BBS9: variants seen among roughly 807,000 people sequenced by gnomAD.
The protein encoded by BBS9 is protein PTHB1.
Under a neutral mutation model 117.7 loss-of-function variants are expected in BBS9, and 89 were observed. The ratio of observed to expected loss-of-function variants is 0.76; its 90% CI spans 0.64 to 0.90. The LOEUF is 0.90. Ranked by LOEUF, BBS9 falls within the 40% of genes least tolerant of loss-of-function variation. The probability of loss-of-function intolerance (pLI) is 0.00; values close to 1 mark genes in which losing one functional copy is unlikely to be tolerated. For synonymous variants in BBS9, 379 were observed against 370.9 expected (o/e 1.02, Z -0.25); for missense variants, 982 against 1,042.2 (o/e 0.94, Z 0.80).
chr7:33,277,318 AG>A (rs2128357482), intron 9 of BBS9, among the ~76,000 whole-genome samples: 1 of 152,290 alleles, frequency 6.6e-6, no homozygotes, highest in South Asian at 2.1e-4. Context: ...TCATTCCCTA[AG>A]AAGAGCCCCA....
intron 10 of BBS9, among the ~76,000 whole-genome samples, chr7:33,340,669 G>A (rs1816325172): frequency 1.3e-5 from 2 of 152,124 alleles, no homozygotes. Context: ...GTCAGTCAAT[G>A]GCTCACATCT....
At chr7:33,326,795 A>G (rs987340652) in intron 9 of BBS9, among the ~76,000 whole-genome samples, 1 of 151,748 alleles carries the variant, frequency 6.6e-6, no homozygotes, top group Non-Finnish European at 1.5e-5. Flanking sequence ...AGGGCTTGGA[A>G]TGGGTACCCG....
At chr7:33,494,980 A>G (rs1844513443) in intron 19 of BBS9, among the ~76,000 whole-genome samples, 1 of 152,218 alleles carries the variant, frequency 6.6e-6, no homozygotes, top group Non-Finnish European at 1.5e-5. Context: ...AGACATTTAC[A>G]TATTTTGCCA....
chr7:33,405,143 A>G (rs560764595), intron 19 of BBS9, among the ~76,000 whole-genome samples: 3 of 152,226 alleles, frequency 2.0e-5, no homozygotes, highest in Non-Finnish European at 2.9e-5. Flanking sequence ...ATGCTGGACT[A>G]CATTTATTGA....
chr7:33,221,126 C>T (rs998166210), intron 5 of BBS9, among the ~76,000 whole-genome samples: 3 of 152,206 alleles, frequency 2.0e-5, no homozygotes, highest in African/African-American at 7.2e-5. Flanking sequence ...CTGTGAAGCT[C>T]TGCTGTGTTG....
chr7:33,393,225 G>A (rs1160682222), intron 19 of BBS9, among the ~76,000 whole-genome samples: 1 of 152,142 alleles, frequency 6.6e-6, no homozygotes, highest in Non-Finnish European at 1.5e-5. Context: ...TGCAAACAGA[G>A]CATCAGTGTT....
intron 9 of BBS9, among the ~76,000 whole-genome samples, chr7:33,304,378 C>T (rs1442059468): frequency 5.0e-5 from 7 of 139,640 alleles, no homozygotes; most frequent in African/African-American, 1.8e-4. Flanking sequence ...CACCTCTGCC[C>T]GGCCGCCACC....
At chr7:33,405,617 C>G (rs992264423) in intron 19 of BBS9, among the ~76,000 whole-genome samples, 12 of 152,156 alleles carry the variant, frequency 7.9e-5, no homozygotes, top group Non-Finnish European at 1.3e-4. Context: ...TCTAGATTTT[C>G]TAGTTTATTT....
At chr7:33,387,852 A>T in intron 18 of BBS9, 140 bp from the exon 19 acceptor site, 1 of 929,942 alleles carries the variant, frequency 1.1e-6, no homozygotes, top group Non-Finnish European at 1.7e-6. Context: ...CAAATACCAC[A>T]TTGTTTTAAT....
Position 33,203,969 on chromosome 7 carries a change from C to T in BBS9, c.442+26378C>T, listed in dbSNP as rs570893789. ...AACTCCTGACCTCAGGTAATCCGCC[C>T]GCCTCGGCCTCCCAAAGTGCTGGGA... On this transcript the variant is annotated intron_variant, in intron 5 of 22. Transcript: ENST00000242067. Among the ~76,000 whole-genome samples, 5 of 151,192 alleles carry T rather than the reference C, an allele frequency of 3.3e-5. No individual in the cohort carries two copies. In the South Asian group the frequency reaches 8.4e-4, roughly 25 times the overall value.
Position 33,548,568 on chromosome 7 carries a change from A to G in BBS9, c.2521+14392A>G, listed in dbSNP as rs1460925859. Among the ~76,000 whole-genome samples the G allele has an allele frequency of 5.0e-5, 7 of 140,860 alleles. No homozygotes were observed. In the South Asian group the frequency reaches 1.1e-3, roughly 23 times the overall value. The allele number at this position is 140,860 out of a possible 152,430, so 92.4% of individuals were successfully genotyped here. A position where few individuals can be genotyped will look rare whatever the true frequency, so the allele number is the denominator to read the frequency against. ...TGTGTCCATGTGATCTCATTGTTCA[A>G]TTCCCACCTATGAGTGAGAATATGC... On this transcript the variant is annotated intron_variant, in intron 21 of 22. Coordinates refer to ENST00000242067, the MANE Select transcript of BBS9 (RefSeq NM_198428.3).
chr7:33,227,273 G>T (rs916826876), intron 5 of BBS9, among the ~76,000 whole-genome samples: 12 of 151,334 alleles, frequency 7.9e-5, no homozygotes, highest in Non-Finnish European at 1.8e-4. Flanking sequence ...TCAGTCTCCT[G>T]AGTAGCTGGG....
chr7:33,581,727 T>G (rs368830811), intron 21 of BBS9, among the ~76,000 whole-genome samples: 9 of 152,276 alleles, frequency 5.9e-5, no homozygotes, highest in African/African-American at 2.2e-4. Context: ...TTCTGACCTT[T>G]TCAAAATCAT....
chr7:33,621,414 C>T (rs1343103173), intron 21 of BBS9, among the ~76,000 whole-genome samples: 2 of 152,138 alleles, frequency 1.3e-5, no homozygotes, highest in African/African-American at 4.8e-5. Context: ...AGAAGACATA[C>T]AGATGGCCAA....
At chr7:33,246,656 C>CT (rs1795377272) in intron 5 of BBS9, among the ~76,000 whole-genome samples, 1 of 151,734 alleles carries the variant, frequency 6.6e-6, no homozygotes, top group Non-Finnish European at 1.5e-5. Context: ...AATAATTTTT[C>CT]TTTTGGATAC....
At chr7:33,165,309 G>A (rs535717852) in intron 4 of BBS9, among the ~76,000 whole-genome samples, 15 of 152,150 alleles carry the variant, frequency 9.9e-5, no homozygotes, top group South Asian at 2.1e-4. Context: ...TATGTGTCTT[G>A]GGTTTGCTCT....
chr7:33,386,076 C>T (rs1316407554), intron 18 of BBS9, among the ~76,000 whole-genome samples: 2 of 151,802 alleles, frequency 1.3e-5, no homozygotes, highest in Admixed American at 6.6e-5. Flanking sequence ...CACATGTATA[C>T]ATATGTAACA....
At chr7:33,271,935 C>T in intron 7 of BBS9, among the ~76,000 whole-genome samples, 1 of 152,124 alleles carries the variant, frequency 6.6e-6, no homozygotes, top group East Asian at 1.9e-4. Context: ...AGCACATACT[C>T]TAAAATAAAC....
chr7:33,324,767 T>C (rs973197146), intron 9 of BBS9, among the ~76,000 whole-genome samples: 8 of 152,204 alleles, frequency 5.3e-5, no homozygotes, highest in African/African-American at 1.9e-4. Flanking sequence ...AAAAAGTCTT[T>C]TTTTTCTTTC....
Sources: gnomAD v4.1 joint callset for allele counts (sites outside exome capture counted in the v4.1 genomes callset) on GRCh38, gnomAD v4.1.1 for gene constraint, MANE v1.5 for transcripts, NCBI Gene and HGNC (gene_info 2026-07-23, HGNC 2026-07-21) for gene names.